ZFP91: variants seen among roughly 807,000 people sequenced by gnomAD.
The protein encoded by ZFP91 is ZFP91 zinc finger protein, atypical E3 ubiquitin ligase.
ZFP91 carries 7 observed loss-of-function variants against 63.5 expected under a neutral mutation model. The observed-to-expected ratio is 0.11, with a 90% CI of 0.06 to 0.21. ZFP91 has a LOEUF of 0.21. ZFP91 is among the 10% of genes least tolerant of loss of function. The pLI, the probability that ZFP91 is intolerant of heterozygous loss-of-function variation, is 1.00. For synonymous variants in ZFP91, 330 were observed against 272.1 expected (o/e 1.21, Z -2.10); for missense variants, 628 against 736.6 (o/e 0.85, Z 1.71).
intron 2 of ZFP91, among the ~76,000 whole-genome samples, chr11:58,597,195 T>C (rs909377933): frequency 1.3e-5 from 2 of 152,180 alleles, no homozygotes; most frequent in African/African-American, 4.8e-5. Context: ...AAAAGATTGT[T>C]AGTTTTTCTC....
chr11:58,587,552 T>C (rs1056450821), intron 2 of ZFP91, among the ~76,000 whole-genome samples: 3 of 152,178 alleles, frequency 2.0e-5, no homozygotes, highest in Admixed American at 6.5e-5. Flanking sequence ...GAGGATTATC[T>C]TCATGATTGT....
At chr11:58,603,846 C>A (rs1057331026) in intron 2 of ZFP91, among the ~76,000 whole-genome samples, 1 of 152,202 alleles carries the variant, frequency 6.6e-6, no homozygotes, top group South Asian at 2.1e-4. Context: ...GATGTGTAAT[C>A]TATAAGTGTC....
chr11:58,604,318 T>C (rs1163383902), intron 2 of ZFP91, among the ~76,000 whole-genome samples: 1 of 152,160 alleles, frequency 6.6e-6, no homozygotes, highest in Non-Finnish European at 1.5e-5. Flanking sequence ...CACCGTGTGA[T>C]GATGGAGATA....
intron 8 of ZFP91, 120 bp downstream of exon 8, chr11:58,612,960 AGTCTT>A: frequency 1.2e-6 from 1 of 846,492 alleles, no homozygotes; most frequent in Non-Finnish European, 1.8e-6. Context: ...TGTCAAGAAA[AGTCTT>A]TCTTTAAACA....
At chr11:58,613,468 C>T (rs1356460894) in intron 8 of ZFP91, among the ~76,000 whole-genome samples, 2 of 152,156 alleles carry the variant, frequency 1.3e-5, no homozygotes, top group East Asian at 3.9e-4. Flanking sequence ...CATCCAAATT[C>T]ATAGCACCTC....
intron 2 of ZFP91, among the ~76,000 whole-genome samples, chr11:58,600,041 AATT>A (rs1182974657): frequency 1.3e-5 from 2 of 152,102 alleles, no homozygotes; most frequent in Non-Finnish European, 2.9e-5. Context: ...TAGTTGATTC[AATT>A]ATTATTAGTT....
intron 1 of ZFP91, among the ~76,000 whole-genome samples, chr11:58,581,523 G>A (rs1414249846): frequency 6.6e-6 from 1 of 152,122 alleles, no homozygotes; most frequent in Non-Finnish European, 1.5e-5. Context: ...ACCAATCCCA[G>A]CTAATTTTTG....
At chr11:58,612,395 A>T in intron 7 of ZFP91, 67 bp downstream of exon 7, 1 of 1,516,190 alleles carries the variant, frequency 6.6e-7, no homozygotes, top group Non-Finnish European at 9.1e-7. Flanking sequence ...TCACAAATTT[A>T]GACTTCATGA....
rs780886481 is a variant in ZFP91 at position 58,579,503 on chromosome 11, C to T, written c.222C>T (p.Ala74=). ...CAGCTGTGTCCCGCCGGAGGAAGGC[C>T]GAGTATCCCCGCCGGCGGAGGAGCA... The part of the protein sequence containing the change: ...AAAAVSRRRK[A]EYPRRRRSSP... Residue 74 remains alanine (A), a synonymous_variant, in exon 1 of 11, where the codon GCC becomes GCT. Transcript: ENST00000316059. The T allele has an allele frequency of 1.1e-4, 169 of 1,537,612 alleles. No homozygotes were observed. The highest frequency in any genetic ancestry group is 1.4e-4 in the Non-Finnish European group (157 of 1,147,662).
intron 2 of ZFP91, among the ~76,000 whole-genome samples, chr11:58,592,533 G>A (rs1184924384): frequency 6.6e-6 from 1 of 152,148 alleles, no homozygotes; most frequent in African/African-American, 2.4e-5. Flanking sequence ...GTGACAACGT[G>A]GGTGGAACCA....
At chr11:58,598,157 C>T (rs938628813) in intron 2 of ZFP91, among the ~76,000 whole-genome samples, 31 of 152,082 alleles carry the variant, frequency 2.0e-4, no homozygotes, top group Admixed American at 1.9e-3. Flanking sequence ...TACATCTTTA[C>T]GTTTCTTTAC....
chr11:58,612,786 C>G lies in ZFP91; in HGVS notation c.933C>G (p.Val311=). ...KRRKKPPIQY[V]RCEMEGCGTV... is the part of the protein sequence containing the mutation. Reference sequence around the variant, plus strand: ...GAAAAAAGCCTCCAATCCAGTATGTCCGTTGTGAGATGGAAGGATGTGGAA... The same window carrying G: ...GAAAAAAGCCTCCAATCCAGTATGTGCGTTGTGAGATGGAAGGATGTGGAA... Residue 311 remains valine, a synonymous_variant, in exon 8 of 11, where the codon GTC becomes GTG. Coordinates refer to ENST00000316059, the MANE Select transcript of ZFP91 (RefSeq NM_053023.5). 1 of 1,610,604 alleles carries G rather than the reference C, an allele frequency of 6.2e-7. No homozygotes were observed. Among genetic ancestry groups the G allele is most frequent in the Non-Finnish European group, 8.5e-7 (1 of 1,178,954 alleles).
chr11:58,610,866 A>T, intron 4 of ZFP91, 84 bp from the exon 5 acceptor site: 1 of 1,246,128 alleles, frequency 8.0e-7, no homozygotes, highest in Non-Finnish European at 1.1e-6. Context: ...GTGTTTGGCT[A>T]CCTCTTAAAA....
chr11:58,610,399 T>G, intron 4 of ZFP91, 65 bp downstream of exon 4: 1 of 1,423,336 alleles, frequency 7.0e-7, no homozygotes, highest in Non-Finnish European at 9.4e-7. Flanking sequence ...CAGTAAATGA[T>G]TCAGAAGTTG....
chr11:58,603,491 C>G (rs906041794), intron 2 of ZFP91, among the ~76,000 whole-genome samples: 1 of 152,204 alleles, frequency 6.6e-6, no homozygotes, highest in Non-Finnish European at 1.5e-5. Context: ...GGAGGACTCT[C>G]ATTTGGTGGC....
chr11:58,605,428 T>G (rs1053910772), intron 2 of ZFP91, among the ~76,000 whole-genome samples: 1 of 152,244 alleles, frequency 6.6e-6, no homozygotes, highest in African/African-American at 2.4e-5. Flanking sequence ...AATTTCATCT[T>G]AGAGGATTCC....
At chr11:58,587,997 C>T (rs1424523226) in intron 2 of ZFP91, among the ~76,000 whole-genome samples, 1 of 152,126 alleles carries the variant, frequency 6.6e-6, no homozygotes. Flanking sequence ...CAGAACTTCT[C>T]AGAAACTTTG....
chr11:58,598,749 C>CGTGTGTGTGTGT (rs56110499), intron 2 of ZFP91, among the ~76,000 whole-genome samples: 19 of 120,814 alleles, frequency 1.6e-4, no homozygotes, highest in African/African-American at 4.5e-4. Flanking sequence ...CTTTTGTGCA[C>CGTGTGTGTGTGT]GTGTGTGTGT....
At position 58,616,816 on chromosome 11, in the gene ZFP91, G is replaced by GT. The variant is rs771303058; in HGVS notation, c.1202+2dup. ...TTCACACTGGCGAGAAGCCATTACA[G>GT]TGAGTATTATTTACTGGTGAACATC... On this transcript the variant is annotated splice_donor_variant, in intron 10 of 10. Transcript: ENST00000316059. LOFTEE classifies it high-confidence loss of function. 5.0e-6 allele frequency: 8 copies of GT among 1,613,644 alleles called. No individual in the cohort carries two copies. The East Asian group carries it at 1.8e-4, about 36-fold the overall frequency.
Sources: gnomAD v4.1 joint callset for allele counts (sites outside exome capture counted in the v4.1 genomes callset) on GRCh38, gnomAD v4.1.1 for gene constraint, MANE v1.5 for transcripts, NCBI Gene and HGNC (gene_info 2026-07-23, HGNC 2026-07-21) for gene names.